Variants in THEMIS observed in about 807,000 individuals in gnomAD.
THEMIS encodes the protein protein THEMIS.
THEMIS carries 37 observed loss-of-function variants against 52.6 expected under a neutral mutation model. That is an observed-to-expected ratio of 0.70 (90% CI 0.54 to 0.93). THEMIS has a LOEUF of 0.93. Ranked by LOEUF, THEMIS falls within the 40% of genes least tolerant of loss-of-function variation. The pLI, the probability that THEMIS is intolerant of heterozygous loss-of-function variation, is 0.00. For missense variants in THEMIS, 808 were observed against 763.1 expected, an observed-to-expected ratio of 1.06 and a Z score of -0.69; for synonymous variants, 292 against 272.7, an observed-to-expected ratio of 1.07 and a Z score of -0.70.
intron 1 of THEMIS, among the ~76,000 whole-genome samples, chr6:127,913,105 C>A (rs929140895): frequency 6.6e-5 from 10 of 152,138 alleles, no homozygotes; most frequent in Non-Finnish European, 1.5e-4. Context: ...TAATGCTCTG[C>A]TGGCCAGATT....
chr6:127,723,864 T>C (rs1774448796), intron 4 of THEMIS, among the ~76,000 whole-genome samples: 1 of 152,096 alleles, frequency 6.6e-6, no homozygotes, highest in African/African-American at 2.4e-5. Flanking sequence ...GCTGTTTTCA[T>C]GTTTAATGTC....
At chr6:127,751,715 A>G (rs981188135) in intron 4 of THEMIS, among the ~76,000 whole-genome samples, 2 of 151,716 alleles carry the variant, frequency 1.3e-5, no homozygotes, top group African/African-American at 4.8e-5. Context: ...AAAGAACAGA[A>G]CTGAAGGGAT....
intron 1 of THEMIS, among the ~76,000 whole-genome samples, chr6:127,883,747 C>A (rs1780559569): frequency 6.6e-6 from 1 of 152,012 alleles, no homozygotes; most frequent in Non-Finnish European, 1.5e-5. Flanking sequence ...GATTTGTGCT[C>A]AATTATTTTG....
intron 2 of THEMIS, among the ~76,000 whole-genome samples, chr6:127,830,505 G>T (rs1328232398): frequency 6.6e-6 from 1 of 151,706 alleles, no homozygotes; most frequent in Non-Finnish European, 1.5e-5. Context: ...TGGCAATGTG[G>T]CAAAACCCCA....
At chr6:127,782,258 C>A (rs1157599096) in intron 4 of THEMIS, among the ~76,000 whole-genome samples, 4 of 152,156 alleles carry the variant, frequency 2.6e-5, no homozygotes, top group African/African-American at 4.8e-5. Flanking sequence ...ATGCACTGAG[C>A]TAGACCACTT....
intron 1 of THEMIS, among the ~76,000 whole-genome samples, chr6:127,871,203 A>C (rs1780146457): frequency 6.6e-6 from 1 of 152,130 alleles, no homozygotes; most frequent in African/African-American, 2.4e-5. Context: ...ACACTTGAAA[A>C]TGAAACACAA....
intron 5 of THEMIS, among the ~76,000 whole-genome samples, chr6:127,711,336 T>A (rs1428581173): frequency 6.6e-6 from 1 of 152,044 alleles, no homozygotes; most frequent in Non-Finnish European, 1.5e-5. Flanking sequence ...AAATATGCAG[T>A]TCTGTGGCTC....
At chr6:127,877,321 T>C (rs913264960) in intron 1 of THEMIS, among the ~76,000 whole-genome samples, 2 of 152,212 alleles carry the variant, frequency 1.3e-5, no homozygotes, top group Non-Finnish European at 2.9e-5. Flanking sequence ...TTAATTTCCT[T>C]CAAGAACTTT....
intron 4 of THEMIS, among the ~76,000 whole-genome samples, chr6:127,731,050 T>G (rs1774775873): frequency 6.6e-6 from 1 of 152,200 alleles, no homozygotes; most frequent in Non-Finnish European, 1.5e-5. Context: ...TTTTTAAAAC[T>G]TTGCTTCTAT....
At chr6:127,914,384 A>T (rs1477621313) in intron 1 of THEMIS, among the ~76,000 whole-genome samples, 4 of 152,216 alleles carry the variant, frequency 2.6e-5, no homozygotes, top group Non-Finnish European at 5.9e-5. Flanking sequence ...TTTCATTATG[A>T]AACATAGTCA....
At chr6:127,806,174 A>G (rs1195188032) in intron 4 of THEMIS, among the ~76,000 whole-genome samples, 1 of 152,204 alleles carries the variant, frequency 6.6e-6, no homozygotes, top group African/African-American at 2.4e-5. Context: ...AGGAATTTCC[A>G]TGTAGTGGAC....
At chr6:127,797,496 A>G (rs1211036038) in intron 4 of THEMIS, among the ~76,000 whole-genome samples, 4 of 152,284 alleles carry the variant, frequency 2.6e-5, no homozygotes, top group South Asian at 4.1e-4. Context: ...CTTTCAAAAT[A>G]ACTTACCCCA....
intron 4 of THEMIS, among the ~76,000 whole-genome samples, chr6:127,773,290 G>C (rs748306743): frequency 1.1e-4 from 16 of 152,096 alleles, no homozygotes; most frequent in Non-Finnish European, 1.8e-4. Flanking sequence ...TCACCATTTT[G>C]ATCATCACAA....
In THEMIS at chr6:127,790,324, G is replaced by A. The variant is rs114415390; in HGVS notation, c.1758+22559C>T. ...GGTATAAACCTGTGTCTCTCCAACA[G>A]TTTCAGCAACACAATTGTTGAATGA... is the stretch of plus-strand genomic sequence containing the variant. On this transcript the variant is annotated intron_variant, in intron 4 of 5. Transcript: ENST00000368248. Among the ~76,000 whole-genome samples, 133 of 152,210 alleles carry A rather than the reference G, an allele frequency of 8.7e-4. 1 individual carries two copies. Among genetic ancestry groups the A allele is most frequent in the African/African-American group, 3.2e-3 (132 of 41,520 alleles).
At chr6:127,747,868 T>G (rs1447509307) in intron 4 of THEMIS, among the ~76,000 whole-genome samples, 1 of 152,120 alleles carries the variant, frequency 6.6e-6, no homozygotes, top group Non-Finnish European at 1.5e-5. Flanking sequence ...TTTTAGACTT[T>G]TCTTTTTTTC....
In THEMIS at chr6:127,799,871, T is replaced by C. The variant is rs183272230; in HGVS notation, c.1758+13012A>G. Among the ~76,000 whole-genome samples the C allele has an allele frequency of 1.5e-4, 23 of 152,316 alleles. 1 individual carries two copies. In the East Asian group the frequency reaches 3.7e-3, roughly 24 times the overall value. On this transcript the variant is annotated intron_variant, in intron 4 of 5. Transcript: ENST00000368248. Reference sequence around the variant, plus strand: ...CGAAGAAGGAGCCAATTGAGGATGATGTATTTCAGAAAATTTTTCCTTGAC... The same window carrying C: ...CGAAGAAGGAGCCAATTGAGGATGACGTATTTCAGAAAATTTTTCCTTGAC...
chr6:127,844,345 T>C (rs1233251432), intron 2 of THEMIS, among the ~76,000 whole-genome samples: 1 of 151,950 alleles, frequency 6.6e-6, no homozygotes, highest in Admixed American at 6.6e-5. Context: ...CATTTGAGTG[T>C]GTGTTATGGA....
At chr6:127,741,763 T>C (rs1775209814) in intron 4 of THEMIS, among the ~76,000 whole-genome samples, 1 of 152,148 alleles carries the variant, frequency 6.6e-6, no homozygotes, top group Non-Finnish European at 1.5e-5. Flanking sequence ...GCCAAAATAA[T>C]GGGTCAAGGT....
intron 4 of THEMIS, among the ~76,000 whole-genome samples, chr6:127,751,053 T>C (rs1337683404): frequency 1.3e-5 from 2 of 151,772 alleles, no homozygotes; most frequent in Non-Finnish European, 3.0e-5. Flanking sequence ...GGTAAGGGTA[T>C]AGTCAAATCT....
Sources: allele counts gnomAD v4.1 joint callset (sites outside exome capture counted in the v4.1 genomes callset), GRCh38; gene constraint gnomAD v4.1.1; transcripts MANE v1.5; gene names NCBI Gene and HGNC (gene_info 2026-07-23, HGNC 2026-07-21).